RHOBTB2: variants seen among roughly 807,000 people sequenced by gnomAD.
RHOBTB2 encodes the protein rho-related BTB domain-containing protein 2.
A neutral mutation model predicts 66.5 loss-of-function variants in RHOBTB2; 39 were observed. The ratio of observed to expected loss-of-function variants is 0.59; its 90% CI spans 0.45 to 0.77. RHOBTB2 has a LOEUF of 0.77. RHOBTB2 is among the 30% of genes least tolerant of loss of function. RHOBTB2 has a pLI of 0.00. For synonymous variants in RHOBTB2, 390 were observed against 395.0 expected (o/e 0.99, Z 0.15); for missense variants, 755 against 999.1 (o/e 0.76, Z 3.29).
Position 23,007,016 on chromosome 8 carries a change from C to T in RHOBTB2, c.771C>T (p.Ala257=), listed in dbSNP as rs1176444712. The T allele has an allele frequency of 6.2e-7, 1 of 1,608,884 alleles. No homozygotes were observed. Among genetic ancestry groups the T allele is most frequent in the Non-Finnish European group, 8.5e-7 (1 of 1,178,902 alleles). Residue 257 remains alanine (A), a synonymous_variant, in exon 5 of 10, where the codon GCC becomes GCT. Coordinates refer to ENST00000251822, the MANE Select transcript of RHOBTB2 (RefSeq NM_015178.3). Reference sequence around the variant, plus strand: ...CCTCCAGCAGCGAGGAGTGCCCCGCCCACCTCCTGGAGGACCCGCTCTGCG... The same window carrying T: ...CCTCCAGCAGCGAGGAGTGCCCCGCTCACCTCCTGGAGGACCCGCTCTGCG... ...DPPSSSEECP[A]HLLEDPLCAD...
the RHOBTB2 span, among the ~76,000 whole-genome samples, chr8:22,962,480 A>C: frequency 6.6e-6 from 1 of 152,220 alleles, no homozygotes; most frequent in South Asian, 2.1e-4. Flanking sequence ...GAACAAGAAG[A>C]TGTTGCTAAA....
the RHOBTB2 span, among the ~76,000 whole-genome samples, chr8:22,964,004 C>T: frequency 6.6e-6 from 1 of 152,156 alleles, no homozygotes; most frequent in African/African-American, 2.4e-5. Context: ...TGGTCTCAGA[C>T]TGCCGACCTC....
At chr8:22,953,518 G>A in the RHOBTB2 span, among the ~76,000 whole-genome samples, 5 of 152,242 alleles carry the variant, frequency 3.3e-5, no homozygotes, top group Non-Finnish European at 7.3e-5. Context: ...TGCAAGCGAT[G>A]AGTGACTGAA....
At chr8:22,972,638 T>G in the RHOBTB2 span, among the ~76,000 whole-genome samples, 1 of 152,220 alleles carries the variant, frequency 6.6e-6, no homozygotes, top group Admixed American at 6.5e-5. Context: ...TTCTCAAACA[T>G]TAACAGGCAT....
chr8:23,003,695 C>A lies in RHOBTB2; in HGVS notation c.-10-730C>A, dbSNP rs10112415. Among the ~76,000 whole-genome samples, 284 of 152,328 alleles carry A rather than the reference C, an allele frequency of 1.9e-3. 1 individual carries two copies. The highest frequency in any genetic ancestry group is 6.2e-3 in the African/African-American group (258 of 41,580). ...CCGCATCTGAAAGCTGGACCTGTAG[C>A]TGAGCATGACACATGGGCAACAGGA... On this transcript the variant is annotated intron_variant, in intron 1 of 9. Coordinates refer to ENST00000251822, the MANE Select transcript of RHOBTB2 (RefSeq NM_015178.3).
At chr8:22,973,868 C>A in the RHOBTB2 span, among the ~76,000 whole-genome samples, 2 of 152,164 alleles carry the variant, frequency 1.3e-5, no homozygotes, top group Non-Finnish European at 2.9e-5. Context: ...CAGCAGCCTG[C>A]CCCACCGGCA....
the RHOBTB2 span, among the ~76,000 whole-genome samples, chr8:22,958,214 G>C: frequency 6.6e-6 from 1 of 152,174 alleles, no homozygotes; most frequent in Non-Finnish European, 1.5e-5. Flanking sequence ...CAAAGATGTG[G>C]GAATGCTCCA....
At chr8:22,957,718 AAGCTTATAT>A in the RHOBTB2 span, among the ~76,000 whole-genome samples, 27 of 152,344 alleles carry the variant, frequency 1.8e-4, no homozygotes, top group African/African-American at 6.5e-4. Context: ...AAGTTTTCCA[AAGCTTATAT>A]ACCTTCTAAG....
chr8:23,004,364 C>A lies in RHOBTB2; in HGVS notation c.-10-61C>A. The A allele has an allele frequency of 6.9e-7, 1 of 1,445,872 alleles. No individual in the cohort carries two copies. Among genetic ancestry groups the A allele is most frequent in the Non-Finnish European group, 9.7e-7 (1 of 1,030,504 alleles). 89.6% of individuals were successfully genotyped at this position (1,445,872 alleles called of 1,614,324 possible). A position where few individuals can be genotyped will look rare whatever the true frequency, so the allele number is the denominator to read the frequency against. On this transcript the variant is annotated intron_variant, in intron 1 of 9. Coordinates refer to ENST00000251822, the MANE Select transcript of RHOBTB2 (RefSeq NM_015178.3). The surrounding 1 kb of genome is among the most constrained non-coding windows in gnomAD (Gnocchi z 6.4). ...GGCTGAGGAGAGCTGCGGGTGCTGG[C>A]CCTGGCCCACGGCGAGCTGGCATGC... is the stretch of plus-strand genomic sequence containing the variant.
chr8:22,986,696 C>A (rs1007549027), upstream of RHOBTB2, among the ~76,000 whole-genome samples: 1 of 152,250 alleles, frequency 6.6e-6, no homozygotes. Context: ...GGCATGATCA[C>A]CTCAGTATAA....
the RHOBTB2 span, among the ~76,000 whole-genome samples, chr8:22,968,279 A>C: frequency 6.6e-6 from 1 of 152,186 alleles, no homozygotes; most frequent in Admixed American, 6.5e-5. Context: ...GTTTTTTCTT[A>C]ACAAATTAAA....
chr8:23,008,097 A>C lies in RHOBTB2; in HGVS notation c.1606A>C (p.Ser536Arg), dbSNP rs150986566. The change falls in exon 6 of 10, where the codon AGC becomes CGC. Residue 536 changes from serine (S) to arginine (R), a missense_variant. This residue lies in a region of RHOBTB2 where 353 missense variants were observed against 458.2 expected (regional missense o/e 0.77). Transcript: ENST00000251822. ...AAMFGGPFVE[S>R]STREVVFPYT... ...CATGTTTGGGGGGCCATTTGTGGAGAGCTCCACCCGGGAGGTAAGGCTGAG... is the reference window on the plus strand; with the variant it reads ...CATGTTTGGGGGGCCATTTGTGGAGCGCTCCACCCGGGAGGTAAGGCTGAG... The C allele has an allele frequency of 6.2e-7, 1 of 1,610,916 alleles. No individual in the cohort carries two copies. Among genetic ancestry groups the C allele is most frequent in the African/African-American group, 1.3e-5 (1 of 74,700 alleles).
upstream of RHOBTB2, chr8:22,994,713 C>A (rs1585181684): frequency 5.2e-5 from 64 of 1,231,432 alleles, no homozygotes; most frequent in South Asian, 8.2e-4. Flanking sequence ...TTAAGCAACT[C>A]CCAAATTGTT....
At chr8:22,964,686 G>T in the RHOBTB2 span, among the ~76,000 whole-genome samples, 1 of 151,878 alleles carries the variant, frequency 6.6e-6, no homozygotes, top group African/African-American at 2.4e-5. Context: ...TGTTGTCAGT[G>T]AGCAATATCT....
chr8:22,969,592 C>T, the RHOBTB2 span, among the ~76,000 whole-genome samples: 1 of 151,998 alleles, frequency 6.6e-6, no homozygotes, highest in African/African-American at 2.4e-5. Flanking sequence ...ATACATAATG[C>T]CTATCAAAAG....
In RHOBTB2 at chr8:23,006,914, T is replaced by C. The variant is rs368287866; in HGVS notation, c.669T>C (p.Asn223=). The C allele has an allele frequency of 1.7e-5, 27 of 1,613,892 alleles. 1 individual carries two copies. The East Asian group carries it at 2.5e-4, about 15-fold the overall frequency. The change falls in exon 5 of 10, where the codon AAT becomes AAC. Residue 223 remains asparagine (N), a synonymous_variant. Coordinates refer to ENST00000251822, the MANE Select transcript of RHOBTB2 (RefSeq NM_015178.3). The surrounding 1 kb of genome is among the most constrained non-coding windows in gnomAD (Gnocchi z 6.1). ...AGTTCTGGAAGTCCCACCTCCGCAA[T>C]GTGCAGCGGCCTCTGCTGCAGGCAC... ...HLQFWKSHLR[N]VQRPLLQAPF... is the part of the protein sequence containing the mutation.
At chr8:22,979,255 G>A in the RHOBTB2 span, among the ~76,000 whole-genome samples, 69 of 151,590 alleles carry the variant, frequency 4.6e-4, no homozygotes, top group African/African-American at 1.6e-3. Context: ...TATTATTTTG[G>A]TAAATAAATA....
chr8:22,962,453 G>A, the RHOBTB2 span, among the ~76,000 whole-genome samples: 1 of 152,144 alleles, frequency 6.6e-6, no homozygotes, highest in African/African-American at 2.4e-5. Context: ...ACCGCTTTGA[G>A]GATATGGCAG....
Position 22,999,753 on chromosome 8 carries a change from G to C in RHOBTB2, c.-363G>C, listed in dbSNP as rs13272764. The C allele has an allele frequency of 9.8e-7, 1 of 1,017,094 alleles. No homozygotes were observed. Among genetic ancestry groups the C allele is most frequent in the Non-Finnish European group, 1.2e-6 (1 of 850,396 alleles). 63.0% of individuals were successfully genotyped at this position (1,017,094 alleles called of 1,614,324 possible). A position where few individuals can be genotyped will look rare whatever the true frequency, so the allele number is the denominator to read the frequency against. On this transcript the variant is annotated 5_prime_UTR_variant, in exon 1 of 10. Coordinates refer to ENST00000251822, the MANE Select transcript of RHOBTB2 (RefSeq NM_015178.3). ...CCGGGCGCGTAGCGGCGGCGGCCTC[G>C]CCCCTCTCCCGGCGCCCCTGCGCGC...
Sources: gnomAD v4.1 joint callset for allele counts (sites outside exome capture counted in the v4.1 genomes callset) on GRCh38, gnomAD v4.1.1 for gene constraint, gnomAD v4.1.1 regional missense constraint, Gnocchi (gnomAD v3.1) non-coding constraint, MANE v1.5 for transcripts, NCBI Gene and HGNC (gene_info 2026-07-23, HGNC 2026-07-21) for gene names.